The following CTNNA3 variants were observed in gnomAD, a reference collection of about 807,000 sequenced individuals.
CTNNA3 encodes catenin alpha-3.
CTNNA3 carries 76 observed loss-of-function variants against 95.7 expected under a neutral mutation model. The observed-to-expected ratio is 0.79, with a 90% CI of 0.66 to 0.96. The LOEUF is 0.96. Ranked by LOEUF, CTNNA3 falls within the 40% of genes least tolerant of loss-of-function variation. CTNNA3 has a pLI of 0.00. For synonymous variants in CTNNA3, 431 were observed against 374.4 expected (o/e 1.15, Z -1.74); for missense variants, 1,191 against 1,089.8 (o/e 1.09, Z -1.31).
intron 12 of CTNNA3, among the ~76,000 whole-genome samples, chr10:66,311,568 A>G (rs1258156176): frequency 2.0e-5 from 3 of 152,214 alleles, no homozygotes; most frequent in Admixed American, 6.5e-5. Flanking sequence ...TTCACTTAGT[A>G]CAGTGACAGG....
chr10:67,611,392 C>A (rs1431165393), intron 2 of CTNNA3, among the ~76,000 whole-genome samples: 1 of 152,124 alleles, frequency 6.6e-6, no homozygotes, highest in African/African-American at 2.4e-5. Flanking sequence ...CCGTTCACTG[C>A]AAGCTCCGCC....
chr10:67,303,520 A>G (rs993281503), intron 5 of CTNNA3, among the ~76,000 whole-genome samples: 9 of 152,210 alleles, frequency 5.9e-5, no homozygotes, highest in Non-Finnish European at 1.2e-4. Context: ...TAACACACCC[A>G]AGTTTTGATA....
intron 11 of CTNNA3, among the ~76,000 whole-genome samples, chr10:66,499,522 C>T (rs993874913): frequency 2.2e-4 from 33 of 152,032 alleles, no homozygotes; most frequent in Admixed American, 1.4e-3. Context: ...GACACAGGGT[C>T]TCCCTATGTA....
chr10:67,712,955 C>A (rs79012247), intron 1 of CTNNA3, among the ~76,000 whole-genome samples: 1 of 152,160 alleles, frequency 6.6e-6, no homozygotes, highest in Admixed American at 6.5e-5. Context: ...AACTAAAGAG[C>A]TTCTGCACAG....
At chr10:66,992,413 C>A (rs1851090480) in intron 7 of CTNNA3, among the ~76,000 whole-genome samples, 1 of 152,042 alleles carries the variant, frequency 6.6e-6, no homozygotes. Flanking sequence ...TCCTCCTCCT[C>A]CACTCCTCTT....
At chr10:67,210,164 A>G (rs543959193) in intron 6 of CTNNA3, among the ~76,000 whole-genome samples, 85 of 152,044 alleles carry the variant, frequency 5.6e-4, no homozygotes, top group African/African-American at 1.7e-3. Flanking sequence ...AAAATTAGCC[A>G]GGCATGATGG....
At chr10:65,940,817 C>T (rs546933748) in intron 17 of CTNNA3, among the ~76,000 whole-genome samples, 1 of 152,264 alleles carries the variant, frequency 6.6e-6, no homozygotes, top group Admixed American at 6.5e-5. Context: ...AATGATATTT[C>T]AGATGGTGAT....
intron 1 of CTNNA3, among the ~76,000 whole-genome samples, chr10:67,704,344 G>A (rs892774959): frequency 8.5e-5 from 13 of 152,174 alleles, no homozygotes; most frequent in African/African-American, 3.1e-4. Flanking sequence ...AAGGAACAAA[G>A]CTGGAGGCAT....
At chr10:67,224,020 A>G (rs1864781410) in intron 5 of CTNNA3, among the ~76,000 whole-genome samples, 1 of 152,212 alleles carries the variant, frequency 6.6e-6, no homozygotes, top group Non-Finnish European at 1.5e-5. Context: ...ATACATATAC[A>G]TTGTGTAATG....
chr10:66,496,265 CG>C (rs1589333584), intron 11 of CTNNA3, among the ~76,000 whole-genome samples: 1 of 151,812 alleles, frequency 6.6e-6, no homozygotes, highest in African/African-American at 2.4e-5. Flanking sequence ...TTTAAAATTC[CG>C]TAGTATAATC....
chr10:67,469,276 C>T (rs1053868023), intron 5 of CTNNA3, among the ~76,000 whole-genome samples: 92 of 152,268 alleles, frequency 6.0e-4, no homozygotes, highest in Admixed American at 6.0e-3. Flanking sequence ...AGTCCTAACA[C>T]CCTTAAAAAT....
chr10:66,487,959 C>T lies in CTNNA3; in HGVS notation c.1531+32658G>A, dbSNP rs72791575. The stretch of plus-strand genomic sequence containing the variant: ...TAGCAAGGTAAGTGCCGTAAACCAA[C>T]CTCATCCAACAGAAGTATTTGTGTA... On this transcript the variant is annotated intron_variant, in intron 11 of 17. Transcript: ENST00000433211. Among the ~76,000 whole-genome samples the T allele has an allele frequency of 7.1e-3, 1,083 of 152,242 alleles. 11 individuals carry two copies. Among genetic ancestry groups the T allele is most frequent in the Non-Finnish European group, 9.3e-3 (632 of 68,024 alleles).
chr10:66,849,776 C>A (rs1238179299), intron 7 of CTNNA3, among the ~76,000 whole-genome samples: 1 of 152,114 alleles, frequency 6.6e-6, no homozygotes, highest in African/African-American at 2.4e-5. Flanking sequence ...TTCCGGCCTC[C>A]AAACTCAGAG....
At chr10:66,607,294 C>T (rs1844159681) in intron 10 of CTNNA3, among the ~76,000 whole-genome samples, 1 of 151,476 alleles carries the variant, frequency 6.6e-6, no homozygotes, top group African/African-American at 2.4e-5. Context: ...ATAAATAGCC[C>T]ACCAATCGAA....
At chr10:67,491,441 A>G (rs1848646489) in intron 5 of CTNNA3, among the ~76,000 whole-genome samples, 2 of 152,214 alleles carry the variant, frequency 1.3e-5, no homozygotes, top group Admixed American at 6.5e-5. Context: ...AATCCTTTCG[A>G]AACACCATAA....
chr10:67,259,864 A>T (rs1365031906), intron 5 of CTNNA3, among the ~76,000 whole-genome samples: 1 of 152,154 alleles, frequency 6.6e-6, no homozygotes, highest in African/African-American at 2.4e-5. Flanking sequence ...TGTAATTGGG[A>T]TAGTGTTGGA....
chr10:66,362,580 G>A (rs918290297), intron 12 of CTNNA3, among the ~76,000 whole-genome samples: 2 of 151,944 alleles, frequency 1.3e-5, no homozygotes, highest in Non-Finnish European at 2.9e-5. Flanking sequence ...GGGTGTGGTG[G>A]TGTATGCCAG....
At chr10:66,224,039 T>A (rs536549996) in intron 13 of CTNNA3, among the ~76,000 whole-genome samples, 38 of 152,028 alleles carry the variant, frequency 2.5e-4, no homozygotes, top group African/African-American at 8.4e-4. Context: ...TCTAAAAAAA[T>A]AAAAATAAAT....
chr10:66,873,383 T>C (rs996738210), intron 7 of CTNNA3, among the ~76,000 whole-genome samples: 5 of 151,816 alleles, frequency 3.3e-5, no homozygotes, highest in African/African-American at 1.2e-4. Context: ...TTTTTGTTTT[T>C]TTTTTACTTT....
Sources: gnomAD v4.1 joint callset for allele counts (sites outside exome capture counted in the v4.1 genomes callset) on GRCh38, gnomAD v4.1.1 for gene constraint, MANE v1.5 for transcripts, NCBI Gene and HGNC (gene_info 2026-07-23, HGNC 2026-07-21) for gene names.